SERINC1: variants seen among roughly 807,000 people sequenced by gnomAD.
The protein encoded by SERINC1 is serine incorporator 1.
Under a neutral mutation model 52.9 loss-of-function variants are expected in SERINC1, and 38 were observed. That is an observed-to-expected ratio of 0.72 (90% CI 0.55 to 0.94). SERINC1 has a LOEUF of 0.94. Among genes scored for constraint, SERINC1 ranks in the 40% least tolerant of loss-of-function variants. The probability of loss-of-function intolerance (pLI) is 0.00; values close to 1 mark genes in which losing one functional copy is unlikely to be tolerated. For synonymous variants in SERINC1, 198 were observed against 183.1 expected (o/e 1.08, Z -0.66); for missense variants, 471 against 533.9 (o/e 0.88, Z 1.16).
intron 1 of SERINC1, among the ~76,000 whole-genome samples, chr6:122,470,761 G>A (rs963720863): frequency 6.6e-6 from 1 of 152,012 alleles, no homozygotes; most frequent in African/African-American, 2.4e-5. Context: ...GTTAGAAACA[G>A]AATTAACAAA....
chr6:122,457,399 T>C (rs1775016984), intron 2 of SERINC1, among the ~76,000 whole-genome samples: 1 of 152,234 alleles, frequency 6.6e-6, no homozygotes, highest in South Asian at 2.1e-4. Context: ...AGGCAGTCTC[T>C]AGCTCTGATT....
intron 3 of SERINC1, 40 bp downstream of exon 3, chr6:122,456,441 C>G (rs1342992064): frequency 2.3e-6 from 3 of 1,298,128 alleles, no homozygotes. Flanking sequence ...CAAGAAGAGG[C>G]TACCCAAGCT....
Position 122,451,776 on chromosome 6 carries a change from A to AAAAAAAAAAAAAAAATAT in SERINC1, c.760-23_760-22insATATTTTTTTTTTTTTTT. On this transcript the variant is annotated intron_variant, in intron 6 of 9. Transcript: ENST00000339697. The stretch of plus-strand genomic sequence containing the variant: ...ATTCCTACAAAAAAAAAAAAAAAAA[A>AAAAAAAAAAAAAAAATAT]ATATATATATATATATATAGCAACA... The AAAAAAAAAAAAAAAATAT allele has an allele frequency of 1.3e-4, 15 of 113,068 alleles. 1 individual carries two copies. Among genetic ancestry groups the AAAAAAAAAAAAAAAATAT allele is most frequent in the East Asian group, 6.7e-4 (2 of 2,976 alleles). The allele number at this position is 113,068 out of a possible 1,614,324, so 7.0% of individuals were successfully genotyped here.
chr6:122,460,936 C>T (rs1775090127), intron 1 of SERINC1, among the ~76,000 whole-genome samples: 1 of 151,568 alleles, frequency 6.6e-6, no homozygotes, highest in East Asian at 1.9e-4. Flanking sequence ...ATAAAATAAG[C>T]CCCCTAAATA....
At chr6:122,456,849 G>A (rs779196933) in intron 2 of SERINC1, among the ~76,000 whole-genome samples, 199 bp from the exon 3 acceptor site, 16 of 152,082 alleles carry the variant, frequency 1.1e-4, no homozygotes, top group Admixed American at 3.9e-4. Context: ...CCCCATCTGC[G>A]CAAATCATAA....
At chr6:122,452,124 C>T (rs1475682421) in intron 5 of SERINC1, 67 bp from the exon 6 acceptor site, 3 of 1,048,694 alleles carry the variant, frequency 2.9e-6, no homozygotes, top group East Asian at 3.0e-5. Context: ...GAAATGGGAC[C>T]TGTTTTATAA....
chr6:122,467,807 T>C (rs942486974), intron 1 of SERINC1, among the ~76,000 whole-genome samples: 1 of 152,308 alleles, frequency 6.6e-6, no homozygotes, highest in Non-Finnish European at 1.5e-5. Flanking sequence ...TTTAGTATTA[T>C]GGAAAGCTAT....
intron 1 of SERINC1, among the ~76,000 whole-genome samples, 162 bp downstream of exon 1, chr6:122,471,537 A>T (rs555463715): frequency 2.0e-5 from 3 of 152,296 alleles, no homozygotes; most frequent in Non-Finnish European, 2.9e-5. Context: ...TCTGAAGCTG[A>T]GTCTGAGTGA....
At chr6:122,458,857 T>C (rs973918597) in intron 1 of SERINC1, among the ~76,000 whole-genome samples, 176 bp from the exon 2 acceptor site, 3 of 152,250 alleles carry the variant, frequency 2.0e-5, no homozygotes, top group East Asian at 1.9e-4. Flanking sequence ...CCACAAAACT[T>C]AGCAACTTCT....
At chr6:122,446,480 GAAA>G (rs920058581) in intron 9 of SERINC1, among the ~76,000 whole-genome samples, 1 of 147,118 alleles carries the variant, frequency 6.8e-6, no homozygotes, top group Non-Finnish European at 1.5e-5. Context: ...TTACAGAATT[GAAA>G]AAAAAAATGT....
In SERINC1 at chr6:122,453,762, A is replaced by C. The variant is rs571887548; in HGVS notation, c.589+8T>G. On this transcript the variant is annotated splice_region_variant and intron_variant, in intron 5 of 9. Coordinates refer to ENST00000339697, the MANE Select transcript of SERINC1 (RefSeq NM_020755.4). Reference sequence around the variant, plus strand: ...CTATACTGAAGTTGTTCTGCGACGAAAGCTTACCTGCATACCAACATCTCG... The same window carrying C: ...CTATACTGAAGTTGTTCTGCGACGACAGCTTACCTGCATACCAACATCTCG... The C allele has an allele frequency of 1.3e-6, 2 of 1,591,078 alleles. No individual in the cohort carries two copies. Among genetic ancestry groups the C allele is most frequent in the African/African-American group, 2.7e-5 (2 of 74,514 alleles).
chr6:122,450,307 G>C (rs1774882584), intron 7 of SERINC1, among the ~76,000 whole-genome samples: 3 of 152,158 alleles, frequency 2.0e-5, no homozygotes, highest in African/African-American at 7.2e-5. Flanking sequence ...AAAAAGCCTA[G>C]ATGACAGCAC....
chr6:122,462,625 A>C (rs1408244574), intron 1 of SERINC1, among the ~76,000 whole-genome samples: 2 of 152,154 alleles, frequency 1.3e-5, no homozygotes, highest in Non-Finnish European at 2.9e-5. Flanking sequence ...AAAAACAATA[A>C]AAATACCCCA....
intron 7 of SERINC1, among the ~76,000 whole-genome samples, chr6:122,450,180 T>C (rs1282995933): frequency 6.6e-6 from 1 of 152,230 alleles, no homozygotes; most frequent in Non-Finnish European, 1.5e-5. Flanking sequence ...GCTGATTCTC[T>C]TGTTAGGGAC....
At chr6:122,449,622 G>GA (rs1217299961) in intron 7 of SERINC1, among the ~76,000 whole-genome samples, 1 of 152,206 alleles carries the variant, frequency 6.6e-6, no homozygotes, top group Non-Finnish European at 1.5e-5. Context: ...TTTAATGAAA[G>GA]AAACTGTCTC....
chr6:122,457,325 C>T lies in SERINC1; in HGVS notation c.202-675G>A, dbSNP rs375038105. Among the ~76,000 whole-genome samples the T allele has an allele frequency of 1.2e-4, 18 of 152,328 alleles. No individual in the cohort carries two copies. The East Asian group carries it at 2.9e-3, about 24-fold the overall frequency. The stretch of plus-strand genomic sequence containing the variant: ...AAGAGATTTTGGCAGAGTTCTAGCT[C>T]TGCTCACTCTGAATGATCTTCAGCA... On this transcript the variant is annotated intron_variant, in intron 2 of 9. Transcript: ENST00000339697.
chr6:122,453,403 G>C (rs1774944927), intron 5 of SERINC1, among the ~76,000 whole-genome samples: 1 of 152,120 alleles, frequency 6.6e-6, no homozygotes, highest in Admixed American at 6.5e-5. Flanking sequence ...TTGTATCACT[G>C]TGTGTTTATC....
chr6:122,454,292 A>G, intron 3 of SERINC1, 62 bp from the exon 4 acceptor site: 1 of 857,654 alleles, frequency 1.2e-6, no homozygotes, highest in East Asian at 2.7e-5. Flanking sequence ...TTCATATATG[A>G]AATCATTTAA....
rs935563869 is a variant in SERINC1 at position 122,443,497 on chromosome 6, G to C, written c.*1547C>G. 1.3e-5 allele frequency: 2 copies of C among 152,164 alleles called. No individual in the cohort carries two copies. Among genetic ancestry groups the C allele is most frequent in the African/African-American group, 4.8e-5 (2 of 41,452 alleles). The allele number at this position is 152,164 out of a possible 1,614,324, so 9.4% of individuals were successfully genotyped here. A position where few individuals can be genotyped will look rare whatever the true frequency, so the allele number is the denominator to read the frequency against. On this transcript the variant is annotated 3_prime_UTR_variant, in exon 10 of 10. Coordinates refer to ENST00000339697, the MANE Select transcript of SERINC1 (RefSeq NM_020755.4). Reference sequence around the variant, plus strand: ...AAATATTTTTAAAGAAGAAATTGTAGATTTTAAAAGCTTCATTAGACACTA... The same window carrying C: ...AAATATTTTTAAAGAAGAAATTGTACATTTTAAAAGCTTCATTAGACACTA...
Sources: allele counts gnomAD v4.1 joint callset (sites outside exome capture counted in the v4.1 genomes callset), GRCh38; gene constraint gnomAD v4.1.1; transcripts MANE v1.5; gene names NCBI Gene and HGNC (gene_info 2026-07-23, HGNC 2026-07-21).